The following MARCHF1 variants were observed in gnomAD, a reference collection of about 807,000 sequenced individuals.
MARCHF1 encodes E3 ubiquitin-protein ligase MARCHF1.
In MARCHF1, 40 loss-of-function variants were observed where a neutral mutation model predicts 54.2. The observed-to-expected ratio is 0.74, with a 90% CI of 0.57 to 0.96. The LOEUF is 0.96. Among genes scored for constraint, MARCHF1 ranks in the 40% least tolerant of loss-of-function variants. MARCHF1 has a pLI of 0.00. For missense variants in MARCHF1, 586 were observed against 656.5 expected (o/e 0.89, Z 1.17); for synonymous variants, 236 against 236.3 (o/e 1.00, Z 0.01).
At chr4:163,961,721 T>A (rs1752349724) in intron 3 of MARCHF1, among the ~76,000 whole-genome samples, 1 of 151,906 alleles carries the variant, frequency 6.6e-6, no homozygotes, top group South Asian at 2.1e-4. Flanking sequence ...TTATGTAACT[T>A]CTCTTTGACG....
At chr4:164,142,484 C>G (rs569815760) in intron 1 of MARCHF1, among the ~76,000 whole-genome samples, 2 of 152,186 alleles carry the variant, frequency 1.3e-5, no homozygotes, top group Non-Finnish European at 2.9e-5. Flanking sequence ...TGAGAACCAG[C>G]AGACAGCCTC....
chr4:163,825,786 G>C (rs1748833364), intron 4 of MARCHF1, among the ~76,000 whole-genome samples: 1 of 150,762 alleles, frequency 6.6e-6, no homozygotes, highest in East Asian at 1.9e-4. Flanking sequence ...TTTTTCTTAA[G>C]AATGTTTACT....
chr4:163,917,967 C>T (rs532886814), intron 3 of MARCHF1, among the ~76,000 whole-genome samples: 9 of 152,088 alleles, frequency 5.9e-5, no homozygotes, highest in Non-Finnish European at 1.3e-4. Flanking sequence ...AAATCTTTGC[C>T]TGTGCCTATG....
At chr4:164,335,581 CA>C (rs34889741) in intron 1 of MARCHF1, among the ~76,000 whole-genome samples, 1,894 of 121,706 alleles carry the variant, frequency 0.016, 35 homozygotes, top group African/African-American at 0.056. Flanking sequence ...GACTCCATCT[CA>C]AAAAAAAAAA....
chr4:163,713,361 G>T (rs930446223), intron 4 of MARCHF1, among the ~76,000 whole-genome samples: 3 of 151,976 alleles, frequency 2.0e-5, no homozygotes, highest in African/African-American at 7.2e-5. Context: ...ATAATGCCTG[G>T]GTCCAAATCC....
chr4:163,726,715 T>C (rs993581527), intron 4 of MARCHF1, among the ~76,000 whole-genome samples: 5 of 152,226 alleles, frequency 3.3e-5, no homozygotes, highest in Admixed American at 3.3e-4. Context: ...CATTTTGCAT[T>C]CCCAGTAGCA....
intron 2 of MARCHF1, among the ~76,000 whole-genome samples, chr4:164,013,421 G>A (rs968914930): frequency 6.6e-6 from 1 of 152,132 alleles, no homozygotes; most frequent in Non-Finnish European, 1.5e-5. Context: ...AGCCTCAAAA[G>A]GACAAATATA....
At chr4:163,746,326 T>C (rs576581556) in intron 4 of MARCHF1, among the ~76,000 whole-genome samples, 2 of 152,336 alleles carry the variant, frequency 1.3e-5, no homozygotes, top group African/African-American at 4.8e-5. Context: ...CTATGTCTTT[T>C]TATGGCTTGA....
chr4:164,176,961 T>C (rs866916930), intron 1 of MARCHF1, among the ~76,000 whole-genome samples: 1,148 of 52,934 alleles, frequency 0.022, 93 homozygotes, highest in Non-Finnish European at 0.033. Flanking sequence ...TCTCTCTCTC[T>C]CTCTCTCTCT....
intron 3 of MARCHF1, among the ~76,000 whole-genome samples, chr4:163,915,599 TATATC>T (rs1450383132): frequency 1.3e-5 from 2 of 152,180 alleles, no homozygotes; most frequent in Non-Finnish European, 2.9e-5. Context: ...TTGTACTAAA[TATATC>T]ATATTAACAT....
chr4:164,097,707 ACT>A (rs1436806939), intron 2 of MARCHF1, among the ~76,000 whole-genome samples: 1 of 152,036 alleles, frequency 6.6e-6, no homozygotes, highest in Non-Finnish European at 1.5e-5. Flanking sequence ...CACTATGGTG[ACT>A]CTGTAATGGG....
At chr4:164,227,072 C>T (rs1398337535) in intron 1 of MARCHF1, among the ~76,000 whole-genome samples, 1 of 151,810 alleles carries the variant, frequency 6.6e-6, no homozygotes, top group African/African-American at 2.4e-5. Context: ...AAACTATGGC[C>T]AAGAAGGTTG....
At chr4:164,054,064 A>C (rs896940744) in intron 2 of MARCHF1, among the ~76,000 whole-genome samples, 6 of 151,958 alleles carry the variant, frequency 3.9e-5, no homozygotes, top group African/African-American at 1.2e-4. Flanking sequence ...CAATGAACTC[A>C]AACAAATTTA....
intron 1 of MARCHF1, among the ~76,000 whole-genome samples, chr4:164,342,926 G>A (rs575414415): frequency 2.6e-5 from 4 of 152,032 alleles, no homozygotes; most frequent in African/African-American, 7.2e-5. Flanking sequence ...CTTATACGTG[G>A]AATCTAAAAA....
chr4:163,831,401 T>C (rs751893679), intron 4 of MARCHF1, among the ~76,000 whole-genome samples: 4 of 152,098 alleles, frequency 2.6e-5, no homozygotes, highest in Non-Finnish European at 5.9e-5. Flanking sequence ...CTGGGCAACA[T>C]AGTGAGACCT....
chr4:163,671,791 A>G (rs984919181), intron 5 of MARCHF1, among the ~76,000 whole-genome samples: 4 of 152,212 alleles, frequency 2.6e-5, no homozygotes, highest in African/African-American at 4.8e-5. Context: ...ACATATTTAC[A>G]TAAAATCCTC....
At chr4:163,641,026 T>A (rs1360104387) in intron 5 of MARCHF1, among the ~76,000 whole-genome samples, 1 of 150,848 alleles carries the variant, frequency 6.6e-6, no homozygotes, top group Non-Finnish European at 1.5e-5. Flanking sequence ...TGTTTTTTTA[T>A]GATTTTAACA....
chr4:163,955,414 G>A (rs1212454215), intron 3 of MARCHF1, among the ~76,000 whole-genome samples: 1 of 147,164 alleles, frequency 6.8e-6, no homozygotes. Context: ...CCTGTAACAT[G>A]AAGTCCACAC....
chr4:163,707,197 A>G (rs1006824504), intron 4 of MARCHF1, among the ~76,000 whole-genome samples: 2 of 152,242 alleles, frequency 1.3e-5, no homozygotes, highest in Admixed American at 1.3e-4. Context: ...TAGCTAAGAC[A>G]CGAACCAGAA....
Sources: allele counts gnomAD v4.1 joint callset (sites outside exome capture counted in the v4.1 genomes callset), GRCh38; gene constraint gnomAD v4.1.1; transcripts MANE v1.5; gene names NCBI Gene and HGNC (gene_info 2026-07-23, HGNC 2026-07-21).